Variants in NVL observed in about 807,000 individuals in gnomAD.
NVL encodes nuclear valosin-containing protein-like.
A neutral mutation model predicts 110.2 loss-of-function variants in NVL; 84 were observed. That is an observed-to-expected ratio of 0.76 (90% CI 0.64 to 0.91). The LOEUF (loss-of-function observed/expected upper bound fraction) is 0.91. Among genes scored for constraint, NVL ranks in the 40% least tolerant of loss-of-function variants. The pLI is 0.00. For synonymous variants in NVL, 354 were observed against 361.1 expected, an observed-to-expected ratio of 0.98 and a Z score of 0.22; for missense variants, 882 against 1,035.9, an observed-to-expected ratio of 0.85 and a Z score of 2.04.
In NVL at chr1:224,303,842, G is replaced by A. The variant is rs1291976673; in HGVS notation, c.841C>T (p.Leu281Phe). The change falls in exon 9 of 23, where the codon CTC becomes TTC. Residue 281 changes from leucine (L) to phenylalanine (F), a missense_variant. Transcript: ENST00000281701. The stretch of plus-strand genomic sequence containing the variant: ...ACCTCCGGGTGACGCATGTGTATGA[G>A]CATCTTGCAGACCTCCTAGCAGAGG... ...DMTLKEVCKM[L>F]IHMRHPEVYH... 2 of 1,612,462 alleles carry A rather than the reference G, an allele frequency of 1.2e-6. No individual in the cohort carries two copies. Among genetic ancestry groups the A allele is most frequent in the Admixed American group, 1.7e-5 (1 of 59,732 alleles).
chr1:224,266,477 C>A (rs771566670), intron 18 of NVL, among the ~76,000 whole-genome samples: 37 of 152,310 alleles, frequency 2.4e-4, no homozygotes, highest in Middle Eastern at 6.8e-3. Flanking sequence ...GCTCTTCTAC[C>A]CTTTCGCCTT....
chr1:224,291,531 C>G (rs1216589579), intron 12 of NVL, among the ~76,000 whole-genome samples: 1 of 152,134 alleles, frequency 6.6e-6, no homozygotes, highest in Non-Finnish European at 1.5e-5. Flanking sequence ...AGAATAGAAG[C>G]AGATAAACAT....
intron 18 of NVL, among the ~76,000 whole-genome samples, chr1:224,259,870 C>T (rs1052008038): frequency 2.7e-5 from 4 of 149,224 alleles, no homozygotes; most frequent in Non-Finnish European, 3.0e-5. Flanking sequence ...ATTTTTGCCA[C>T]GTTAACCCAG....
At position 224,239,112 on chromosome 1, in the gene NVL, C is replaced by T. The variant is rs138313903; in HGVS notation, c.2290-2530G>A. Among the ~76,000 whole-genome samples, 188 of 152,228 alleles carry T rather than the reference C, an allele frequency of 1.2e-3. 4 individuals are homozygous for T. In the South Asian group the frequency reaches 0.022, roughly 18 times the overall value. ...AATTCATGGAGCTGGACATTTACCACTTTTTAATTTCTTTCTTGAATCTCT... is the reference window on the plus strand; with the variant it reads ...AATTCATGGAGCTGGACATTTACCATTTTTTAATTTCTTTCTTGAATCTCT... On this transcript the variant is annotated intron_variant, in intron 19 of 22. Transcript: ENST00000281701.
At chr1:224,326,328 T>A (rs1671140599) in intron 2 of NVL, 63 bp downstream of exon 2, 1 of 1,230,536 alleles carries the variant, frequency 8.1e-7, no homozygotes, top group African/African-American at 1.5e-5. Context: ...AGGCAGGATA[T>A]AAACTTTTAA....
chr1:224,284,261 T>C (rs1214120104), intron 15 of NVL, among the ~76,000 whole-genome samples: 1 of 151,964 alleles, frequency 6.6e-6, no homozygotes, highest in Non-Finnish European at 1.5e-5. Flanking sequence ...AATCTTAATA[T>C]ATGAAGTGAT....
rs1037324935 is a variant in NVL at position 224,300,762 on chromosome 1, G to A, written c.961-99C>T. The A allele has an allele frequency of 1.0e-5, 8 of 773,916 alleles. No homozygotes were observed. In the African/African-American group the frequency reaches 1.4e-4, roughly 14 times the overall value. 47.9% of individuals were successfully genotyped at this position (773,916 alleles called of 1,614,324 possible). On this transcript the variant is annotated intron_variant, in intron 9 of 22. Transcript: ENST00000281701. ...AAATTTTTTAAATAGCTAGTTTCCT[G>A]AGGAACTTCATCTTTTTATGTTGGC...
Position 224,229,098 on chromosome 1 carries a change from C to G in NVL, c.2527-1428G>C, listed in dbSNP as rs370553179. On this transcript the variant is annotated intron_variant, in intron 22 of 22. Transcript: ENST00000281701. ...TCACCTGAGGTTGGGAGTTGGAGAC[C>G]AGGCTGACCAACATGGAGAAACCCT... is the stretch of plus-strand genomic sequence containing the variant. Among the ~76,000 whole-genome samples, 350 of 151,552 alleles carry G rather than the reference C, an allele frequency of 2.3e-3. 3 individuals are homozygous for G. Among genetic ancestry groups the G allele is most frequent in the Admixed American group, 7.3e-3 (110 of 15,172 alleles).
chr1:224,241,531 A>T (rs1169718715), intron 19 of NVL, among the ~76,000 whole-genome samples: 2 of 152,084 alleles, frequency 1.3e-5, no homozygotes, highest in African/African-American at 4.8e-5. Flanking sequence ...AGCTAAAGGA[A>T]TTATTAGAAA....
At chr1:224,236,470 C>G (rs769761659) in intron 20 of NVL, 36 bp downstream of exon 20, 3 of 1,521,040 alleles carry the variant, frequency 2.0e-6, no homozygotes, top group Non-Finnish European at 2.7e-6. Context: ...AAATTGAACC[C>G]CAGAGAGTGA....
At chr1:224,233,819 C>A (rs1320656957) in intron 20 of NVL, among the ~76,000 whole-genome samples, 3 of 151,946 alleles carry the variant, frequency 2.0e-5, no homozygotes, top group African/African-American at 7.3e-5. Flanking sequence ...ATGGAGGAAA[C>A]AATACAATGC....
In NVL at chr1:224,315,205, C is replaced by T. The variant is rs190288121; in HGVS notation, c.284+2489G>A. On this transcript the variant is annotated intron_variant, in intron 4 of 22. Coordinates refer to ENST00000281701, the MANE Select transcript of NVL (RefSeq NM_002533.4). ...AAAGAAGCTGGGATAGAACCATGCA[C>T]CACTATGCCTGGCTAATTTTTAAAT... 2.4e-4 allele frequency among the ~76,000 whole-genome samples: 37 copies of T among 152,192 alleles called. No homozygotes were observed. The East Asian group carries it at 6.6e-3, about 27-fold the overall frequency.
At chr1:224,239,178 T>C (rs1233008473) in intron 19 of NVL, among the ~76,000 whole-genome samples, 1 of 152,198 alleles carries the variant, frequency 6.6e-6, no homozygotes, top group East Asian at 1.9e-4. Flanking sequence ...AGGTGTATCA[T>C]ACTTCAATAA....
intron 15 of NVL, 103 bp from the exon 16 acceptor site, chr1:224,281,288 T>TGC: frequency 9.8e-6 from 7 of 715,324 alleles, no homozygotes; most frequent in Admixed American, 2.2e-5. Context: ...TGTGTGCGTG[T>TGC]GTGTGTGTGT....
At chr1:224,328,322 C>G (rs899119095) in intron 1 of NVL, among the ~76,000 whole-genome samples, 3 of 152,004 alleles carry the variant, frequency 2.0e-5, no homozygotes, top group African/African-American at 7.3e-5. Flanking sequence ...GAGTTCGAGA[C>G]TAGCCTGGCC....
rs113394752 is a variant in NVL, at chr1:224,307,927, T to C, written c.615+64A>G. ...AAACACAAGTATCTGATTGATATTA[T>C]ATTCAACTAAAAGGTTGAAATGTAC... is the stretch of plus-strand genomic sequence containing the variant. On this transcript the variant is annotated intron_variant, in intron 6 of 22. Coordinates refer to ENST00000281701, the MANE Select transcript of NVL (RefSeq NM_002533.4). 0.013 allele frequency: 18,872 copies of C among 1,424,880 alleles called. 1,542 individuals are homozygous for C. In the African/African-American group the frequency reaches 0.2, roughly 15 times the overall value. 88.3% of individuals were successfully genotyped at this position (1,424,880 alleles called of 1,614,324 possible).
chr1:224,258,220 T>C (rs1447972062), intron 18 of NVL, among the ~76,000 whole-genome samples: 2 of 152,116 alleles, frequency 1.3e-5, no homozygotes, highest in African/African-American at 2.4e-5. Context: ...AATAACCTAA[T>C]TGAAAAATGA....
intron 16 of NVL, among the ~76,000 whole-genome samples, chr1:224,278,610 GA>G (rs1021851349): frequency 6.6e-6 from 1 of 152,008 alleles, no homozygotes; most frequent in African/African-American, 2.4e-5. Context: ...AAACAAATCA[GA>G]CCACAATGAG....
Position 224,303,741 on chromosome 1 carries a change from A to G in NVL, c.942T>C (p.Leu314=), listed in dbSNP as rs1668642417. The change falls in exon 9 of 23, where the codon CTT becomes CTC. Residue 314 remains leucine, a synonymous_variant. Transcript: ENST00000281701. ...HGPPGCGKTL[L]AHAIAGELDL... is the part of the protein sequence containing the mutation. Reference sequence around the variant, plus strand: ...GCCTCACCCCAGCAATTGCATGTGCAAGTAATGTCTTCCCACAGCCTGGTG... The same window carrying G: ...GCCTCACCCCAGCAATTGCATGTGCGAGTAATGTCTTCCCACAGCCTGGTG... The G allele has an allele frequency of 6.2e-7, 1 of 1,613,106 alleles. No homozygotes were observed. Among genetic ancestry groups the G allele is most frequent in the African/African-American group, 1.3e-5 (1 of 75,028 alleles).
Sources: allele counts gnomAD v4.1 joint callset (sites outside exome capture counted in the v4.1 genomes callset), GRCh38; gene constraint gnomAD v4.1.1; transcripts MANE v1.5; gene names NCBI Gene and HGNC (gene_info 2026-07-23, HGNC 2026-07-21).